Variants in RAD51B observed in about 807,000 individuals in gnomAD.
RAD51B encodes DNA repair protein RAD51 homolog 2.
RAD51B carries 38 observed loss-of-function variants against 42.2 expected under a neutral mutation model. The ratio of observed to expected loss-of-function variants is 0.90; its 90% CI spans 0.70 to 1.18. RAD51B has a LOEUF of 1.18. Among genes scored for constraint, RAD51B ranks in the 50% most tolerant of loss-of-function variants. The pLI is 0.00. For synonymous variants in RAD51B, 154 were observed against 145.2 expected, an observed-to-expected ratio of 1.06 and a Z score of -0.43; for missense variants, 373 against 400.7, an observed-to-expected ratio of 0.93 and a Z score of 0.59.
intron 9 of RAD51B, among the ~76,000 whole-genome samples, chr14:68,412,010 G>A (rs751576910): frequency 2.0e-5 from 3 of 152,178 alleles, no homozygotes; most frequent in African/African-American, 4.8e-5. Flanking sequence ...GTAAAGTACT[G>A]AATGATGCTA....
At chr14:68,065,482 G>C (rs1415941218) in intron 7 of RAD51B, among the ~76,000 whole-genome samples, 1 of 152,152 alleles carries the variant, frequency 6.6e-6, no homozygotes, top group African/African-American at 2.4e-5. Flanking sequence ...GCTTCCCTAG[G>C]GGTGAGGTGT....
intron 4 of RAD51B, among the ~76,000 whole-genome samples, chr14:67,855,112 A>G (rs1595007306): frequency 6.6e-6 from 1 of 152,158 alleles, no homozygotes; most frequent in Non-Finnish European, 1.5e-5. Context: ...GTTAGCCAGG[A>G]TGGTCTCGAT....
At chr14:68,138,675 G>T (rs1411217375) in intron 7 of RAD51B, among the ~76,000 whole-genome samples, 1 of 152,060 alleles carries the variant, frequency 6.6e-6, no homozygotes, top group African/African-American at 2.4e-5. Flanking sequence ...TCTATTGAAA[G>T]ACTTATTTCC....
At chr14:68,337,980 T>TG (rs2082492278) in intron 8 of RAD51B, among the ~76,000 whole-genome samples, 1 of 151,960 alleles carries the variant, frequency 6.6e-6, no homozygotes, top group Admixed American at 6.6e-5. Flanking sequence ...TTTTAAGAGA[T>TG]GGGGTCTCAC....
chr14:68,214,536 C>T (rs540560748), intron 7 of RAD51B, among the ~76,000 whole-genome samples: 1 of 152,192 alleles, frequency 6.6e-6, no homozygotes, highest in African/African-American at 2.4e-5. Flanking sequence ...AGTTAAGACA[C>T]GCATAAATAA....
intron 5 of RAD51B, among the ~76,000 whole-genome samples, chr14:67,877,383 C>A (rs1002003600): frequency 2.0e-5 from 3 of 151,980 alleles, no homozygotes; most frequent in African/African-American, 7.3e-5. Context: ...GAACTCATAT[C>A]CTCTTTCCAC....
At chr14:68,610,841 ATATGTGTGTG>A (rs1391357970) in intron 10 of RAD51B, among the ~76,000 whole-genome samples, 1 of 71,142 alleles carries the variant, frequency 1.4e-5, no homozygotes, top group African/African-American at 5.4e-5. Context: ...ATCTGAATGT[ATATGTGTGTG>A]TGTGTGTGTG....
intron 10 of RAD51B, among the ~76,000 whole-genome samples, chr14:68,489,785 T>C (rs1056406857): frequency 5.3e-5 from 8 of 152,214 alleles, no homozygotes; most frequent in African/African-American, 1.9e-4. Flanking sequence ...TTTGTTGTTC[T>C]TAGAATTTGG....
chr14:68,396,367 T>G (rs2083923282), intron 8 of RAD51B, among the ~76,000 whole-genome samples: 1 of 152,216 alleles, frequency 6.6e-6, no homozygotes, highest in Non-Finnish European at 1.5e-5. Flanking sequence ...CTCTTCTTAG[T>G]CTTTCACATT....
At chr14:68,362,876 C>T (rs1165567396) in intron 8 of RAD51B, among the ~76,000 whole-genome samples, 2 of 151,632 alleles carry the variant, frequency 1.3e-5, no homozygotes, top group Non-Finnish European at 1.5e-5. Context: ...AAAAAAGAAA[C>T]GAACAGAAAT....
chr14:68,007,847 G>A (rs1018125036), intron 7 of RAD51B, among the ~76,000 whole-genome samples: 1 of 151,650 alleles, frequency 6.6e-6, no homozygotes, highest in African/African-American at 2.4e-5. Flanking sequence ...ATAGAAAAAT[G>A]GCCAAATAAT....
intron 7 of RAD51B, among the ~76,000 whole-genome samples, chr14:67,906,789 CCCTT>C (rs140358735): frequency 8.0e-5 from 12 of 149,508 alleles, no homozygotes; most frequent in South Asian, 2.1e-4. Flanking sequence ...TCTCTTCTTT[CCCTT>C]CCTTCCTTCC....
chr14:68,253,753 C>T (rs565344205), intron 7 of RAD51B, among the ~76,000 whole-genome samples: 1 of 152,186 alleles, frequency 6.6e-6, no homozygotes, highest in South Asian at 2.1e-4. Context: ...ATGTTATCTC[C>T]GTTTCACTGA....
chr14:68,324,154 A>C (rs1020773070), intron 8 of RAD51B, among the ~76,000 whole-genome samples: 1 of 152,218 alleles, frequency 6.6e-6, no homozygotes, highest in Non-Finnish European at 1.5e-5. Context: ...AATGGTATGT[A>C]GTTTACTTAC....
intron 8 of RAD51B, among the ~76,000 whole-genome samples, chr14:68,378,002 C>A (rs931983336): frequency 6.6e-6 from 1 of 152,150 alleles, no homozygotes; most frequent in African/African-American, 2.4e-5. Context: ...GCTGGTCATT[C>A]TGAAACTTAA....
At chr14:68,087,754 T>G (rs536583174) in intron 7 of RAD51B, among the ~76,000 whole-genome samples, 26 of 149,190 alleles carry the variant, frequency 1.7e-4, no homozygotes, top group African/African-American at 6.2e-4. Flanking sequence ...TTGTTGATAT[T>G]AAATAAATAA....
At chr14:68,212,763 C>T (rs576360860) in intron 7 of RAD51B, among the ~76,000 whole-genome samples, 10 of 152,254 alleles carry the variant, frequency 6.6e-5, no homozygotes, top group African/African-American at 2.2e-4. Flanking sequence ...TGAATGATTA[C>T]GTGTGAGAAA....
intron 8 of RAD51B, among the ~76,000 whole-genome samples, chr14:68,370,705 T>C (rs2083236002): frequency 6.6e-6 from 1 of 152,036 alleles, no homozygotes. Flanking sequence ...ATGAAGACAT[T>C]CCTTACAAAA....
At chr14:68,457,745 C>T (rs61986936) in intron 9 of RAD51B, among the ~76,000 whole-genome samples, 43,568 of 150,162 alleles carry the variant, frequency 0.29, 7,530 homozygotes, top group South Asian at 0.54. Context: ...ATTACAGGCA[C>T]GTGCCACCAC....
Sources: gnomAD v4.1 joint callset for allele counts (sites outside exome capture counted in the v4.1 genomes callset) on GRCh38, gnomAD v4.1.1 for gene constraint, MANE v1.5 for transcripts, NCBI Gene and HGNC (gene_info 2026-07-23, HGNC 2026-07-21) for gene names.